UGT2B11: variants seen among roughly 807,000 people sequenced by gnomAD.
UGT2B11 encodes the protein UDP glucuronosyltransferase family 2 member B11, also known as UDP-glucuronosyltransferase 2B11.
In UGT2B11, 49 loss-of-function variants were observed where a neutral mutation model predicts 51.7. That is an observed-to-expected ratio of 0.95 (90% CI 0.75 to 1.20). The LOEUF (loss-of-function observed/expected upper bound fraction) is 1.20. Ranked by LOEUF, UGT2B11 falls within the 50% of genes most tolerant of loss-of-function variation. The pLI is 0.00. For synonymous variants in UGT2B11, 273 were observed against 209.0 expected (o/e 1.31, Z -2.64); for missense variants, 810 against 622.1 (o/e 1.30, Z -3.21).
At chr4:69,218,891 C>A (rs549778939), upstream of UGT2B11, among the ~76,000 whole-genome samples, 1 of 152,218 alleles carries the variant, frequency 6.6e-6, no homozygotes, top group Non-Finnish European at 1.5e-5. Flanking sequence ...CTGGGAGACC[C>A]CTCTGCCAGT....
intron 5 of UGT2B11, among the ~76,000 whole-genome samples, chr4:69,202,407 T>C (rs1721693395): frequency 6.6e-6 from 1 of 151,732 alleles, no homozygotes; most frequent in South Asian, 2.1e-4. Flanking sequence ...ATTTTAGTAA[T>C]AGTATTTTTA....
Position 69,204,748 on chromosome 4 carries a change from G to A in UGT2B11, c.1091-99C>T, listed in dbSNP as rs535275140. ...GACAGTGTTTTCTAGATAACACATTGAACTAATTTGCTATTACTTTTCAGA... is the reference window on the plus strand; with the variant it reads ...GACAGTGTTTTCTAGATAACACATTAAACTAATTTGCTATTACTTTTCAGA... On this transcript the variant is annotated intron_variant, in intron 4 of 5. Coordinates refer to ENST00000446444, the MANE Select transcript of UGT2B11 (RefSeq NM_001073.3). 4.2e-5 allele frequency: 66 copies of A among 1,559,864 alleles called. 1 individual carries two copies. In the African/African-American group the frequency reaches 4.3e-4, roughly 10 times the overall value.
In UGT2B11 at chr4:69,208,348, T is replaced by C. The variant is rs1281501029; in HGVS notation, c.1002+3A>G. ...TCCACACCAGTAAGGCCCTTTATCT[T>C]ACCTTTTGTGGGATCTTGGCAAGGG... On this transcript the variant is annotated splice_donor_region_variant and intron_variant, in intron 3 of 5. Coordinates refer to ENST00000446444, the MANE Select transcript of UGT2B11 (RefSeq NM_001073.3). 4.3e-6 allele frequency: 7 copies of C among 1,610,704 alleles called. No individual in the cohort carries two copies. The highest frequency in any genetic ancestry group is 5.9e-6 in the Non-Finnish European group (7 of 1,177,834).
chr4:69,220,086 T>G, the UGT2B11 span, among the ~76,000 whole-genome samples: 6 of 152,294 alleles, frequency 3.9e-5, no homozygotes, highest in Non-Finnish European at 7.4e-5. Context: ...ACACTCCTTC[T>G]AAATGGCAGA....
intron 3 of UGT2B11, among the ~76,000 whole-genome samples, chr4:69,207,419 C>G (rs1034304334): frequency 1.3e-5 from 2 of 151,628 alleles, no homozygotes; most frequent in Non-Finnish European, 3.0e-5. Flanking sequence ...AAGTCATTCA[C>G]AAATACACAA....
upstream of UGT2B11, chr4:69,215,863 TC>T (rs1428078403): frequency 1.3e-5 from 2 of 152,046 alleles, no homozygotes; most frequent in African/African-American, 4.8e-5. Context: ...AAGGTTTCCT[TC>T]CACATATTGG....
intron 1 of UGT2B11, among the ~76,000 whole-genome samples, chr4:69,213,022 T>C (rs1418363814): frequency 1.3e-5 from 2 of 151,460 alleles, no homozygotes; most frequent in Non-Finnish European, 3.0e-5. Flanking sequence ...ATTTTCTCTT[T>C]AAAGCTTCAA....
intron 5 of UGT2B11, among the ~76,000 whole-genome samples, chr4:69,202,014 C>T (rs1170991153): frequency 4.6e-5 from 7 of 151,706 alleles, no homozygotes; most frequent in Non-Finnish European, 8.8e-5. Flanking sequence ...TAAGGATTAG[C>T]CTGACTTCGA....
chr4:69,209,133 T>G (rs947685644), intron 2 of UGT2B11, among the ~76,000 whole-genome samples: 1 of 151,686 alleles, frequency 6.6e-6, no homozygotes, highest in Non-Finnish European at 1.5e-5. Flanking sequence ...AGTCTAGTAT[T>G]GTGATTTGGA....
At chr4:69,207,356 C>T (rs1464743958) in intron 3 of UGT2B11, among the ~76,000 whole-genome samples, 3 of 151,580 alleles carry the variant, frequency 2.0e-5, no homozygotes, top group Non-Finnish European at 4.4e-5. Flanking sequence ...ACTCAGGTTT[C>T]AGCAAAAAGT....
upstream of UGT2B11, chr4:69,216,441 T>C (rs1443148429): frequency 6.6e-6 from 1 of 151,796 alleles, no homozygotes; most frequent in African/African-American, 2.4e-5. Flanking sequence ...CAGCAGATTG[T>C]TGGAATCAAT....
chr4:69,222,518 G>C, the UGT2B11 span, among the ~76,000 whole-genome samples: 2 of 152,148 alleles, frequency 1.3e-5, no homozygotes, highest in African/African-American at 4.8e-5. Context: ...AGGACTGCCT[G>C]TTGCCCTGTG....
chr4:69,209,398 C>G (rs1211878589), intron 2 of UGT2B11, among the ~76,000 whole-genome samples: 1 of 151,664 alleles, frequency 6.6e-6, no homozygotes, highest in Non-Finnish European at 1.5e-5. Flanking sequence ...GAGATCTTGT[C>G]TCTCTTTTGA....
At chr4:69,212,508 A>G (rs1365467044) in intron 2 of UGT2B11, 65 bp downstream of exon 2, 12 of 1,569,856 alleles carry the variant, frequency 7.6e-6, no homozygotes, top group East Asian at 2.3e-5. Context: ...TTGAATGAAA[A>G]CTATAGACTC....
intron 1 of UGT2B11, among the ~76,000 whole-genome samples, 178 bp downstream of exon 1, chr4:69,213,824 A>G (rs1213115804): frequency 3.3e-5 from 5 of 151,772 alleles, no homozygotes; most frequent in Admixed American, 1.3e-4. Flanking sequence ...GTTTTAACAG[A>G]CCTTATAATT....
chr4:69,204,336 T>C, intron 5 of UGT2B11, 94 bp downstream of exon 5: 2 of 1,527,048 alleles, frequency 1.3e-6, no homozygotes, highest in Non-Finnish European at 8.9e-7. Context: ...TCTTTCAAGA[T>C]TACTCTCTTA....
Position 69,214,233 on chromosome 4 carries a change from G to C in UGT2B11, c.490C>G (p.Leu164Val), listed in dbSNP as rs114705696. 0.028 allele frequency: 45,091 copies of C among 1,613,262 alleles called. 770 individuals carry two copies. The highest frequency in any genetic ancestry group is 0.033 in the Non-Finnish European group (38,483 of 1,179,482). ...FPCGELLAALLNIRFVYSLRF... is the reference protein window; with the variant it reads ...FPCGELLAALVNIRFVYSLRF... ...AGACTGTACACAAACCGTATGTTAA[G>C]TAGCGCAGCCAGCAGCTCACCACAG... The change falls in exon 1 of 6, where the codon CTT (leucine) becomes GTT (valine). Residue 164 changes from leucine (L) to valine (V), a missense_variant. Physicochemically the swap from Leu to Val is conservative, Grantham distance 32 (BLOSUM62 1). Coordinates refer to ENST00000446444, the MANE Select transcript of UGT2B11 (RefSeq NM_001073.3).
chr4:69,200,547 C>A lies in UGT2B11; in HGVS notation c.1483G>T (p.Gly495Trp). The change falls in exon 6 of 6, where the codon GGG (glycine) becomes TGG (tryptophan). Residue 495 changes from glycine (G) to tryptophan (W), a missense_variant. Physicochemically the swap from Gly to Trp is radical, Grantham distance 184. Transcript: ENST00000446444. ...GTTGCCACACAGGCCAGCAGAAACCCAATCACATCCAAAGAGTGGTACTGG... is the reference window on the plus strand; with the variant it reads ...GTTGCCACACAGGCCAGCAGAAACCAAATCACATCCAAAGAGTGGTACTGG... ...WFQYHSLDVI[G>W]FLLACVATVI... 1 of 1,612,344 alleles carries A rather than the reference C, an allele frequency of 6.2e-7. No homozygotes were observed. Among genetic ancestry groups the A allele is most frequent in the East Asian group, 2.2e-5 (1 of 44,718 alleles).
At chr4:69,205,795 C>T (rs1460989823) in intron 3 of UGT2B11, 3 of 444,278 alleles carry the variant, frequency 6.8e-6, no homozygotes, top group Non-Finnish European at 1.1e-5. Flanking sequence ...ATAAGACTAT[C>T]AATGAAAAGT....
Sources: gnomAD v4.1 joint callset for allele counts (sites outside exome capture counted in the v4.1 genomes callset) on GRCh38, gnomAD v4.1.1 for gene constraint, MANE v1.5 for transcripts, NCBI Gene and HGNC (gene_info 2026-07-23, HGNC 2026-07-21) for gene names.